ARMC2: variants seen among roughly 807,000 people sequenced by gnomAD.
ARMC2 encodes the protein armadillo repeat containing 2.
A neutral mutation model predicts 90.3 loss-of-function variants in ARMC2; 67 were observed. The ratio of observed to expected loss-of-function variants is 0.74; its 90% CI spans 0.61 to 0.91. The LOEUF (loss-of-function observed/expected upper bound fraction) is 0.91, where lower values mean the gene tolerates loss of function less well. Among genes scored for constraint, ARMC2 ranks in the 40% least tolerant of loss-of-function variants. ARMC2 has a pLI of 0.00. For synonymous variants in ARMC2, 393 were observed against 393.0 expected, an observed-to-expected ratio of 1.00 and a Z score of 0.00; for missense variants, 920 against 1,030.9, an observed-to-expected ratio of 0.89 and a Z score of 1.47.
At chr6:108,946,899 CG>C (rs1273880986) in intron 12 of ARMC2, among the ~76,000 whole-genome samples, 1 of 152,106 alleles carries the variant, frequency 6.6e-6, no homozygotes, top group Non-Finnish European at 1.5e-5. Context: ...GTGTGGGAGT[CG>C]GGGAGGAATG....
At chr6:108,928,488 C>T (rs1775283076) in intron 11 of ARMC2, among the ~76,000 whole-genome samples, 1 of 152,116 alleles carries the variant, frequency 6.6e-6, no homozygotes, top group African/African-American at 2.4e-5. Context: ...GAGTTGTGAG[C>T]TACGTGTGTG....
At chr6:109,019,852 A>G in the ARMC2 span, among the ~76,000 whole-genome samples, 1 of 152,204 alleles carries the variant, frequency 6.6e-6, no homozygotes, top group Non-Finnish European at 1.5e-5. Context: ...ATTCAATTAG[A>G]TTTTAAAAAT....
the ARMC2 span, among the ~76,000 whole-genome samples, chr6:109,039,154 G>GAGAAGGA: frequency 3.3e-5 from 5 of 151,116 alleles, no homozygotes; most frequent in African/African-American, 4.9e-5. Context: ...GAGAAGGAAG[G>GAGAAGGA]AGGAGGAGGA....
intron 3 of ARMC2, among the ~76,000 whole-genome samples, chr6:108,861,104 G>GA (rs749396209): frequency 5.9e-5 from 9 of 152,208 alleles, no homozygotes; most frequent in Non-Finnish European, 1.0e-4. Context: ...ATGGAGCTGG[G>GA]AAGGATGGAA....
At chr6:109,022,344 T>G in the ARMC2 span, among the ~76,000 whole-genome samples, 6 of 151,148 alleles carry the variant, frequency 4.0e-5, no homozygotes, top group East Asian at 1.2e-3. Flanking sequence ...GGCAATGCTA[T>G]ACTAGTTTCG....
chr6:109,031,960 C>T, the ARMC2 span, among the ~76,000 whole-genome samples: 2 of 152,068 alleles, frequency 1.3e-5, no homozygotes, highest in African/African-American at 4.8e-5. Flanking sequence ...ACCTTATACA[C>T]ATATCTTGAA....
chr6:108,979,906 G>A, the ARMC2 span, among the ~76,000 whole-genome samples: 3 of 151,816 alleles, frequency 2.0e-5, no homozygotes, highest in African/African-American at 7.2e-5. Context: ...TTTTTTCAGG[G>A]TTCTTAGCTT....
chr6:108,933,134 T>C (rs1045586137), intron 11 of ARMC2, among the ~76,000 whole-genome samples: 12 of 152,166 alleles, frequency 7.9e-5, no homozygotes, highest in Non-Finnish European at 1.5e-5. Context: ...AGGAATAGGA[T>C]TGAATCTGTA....
intron 2 of ARMC2, 113 bp from the exon 3 acceptor site, chr6:108,858,086 G>C: frequency 1.5e-6 from 1 of 675,188 alleles, no homozygotes; most frequent in Non-Finnish European, 2.4e-6. Flanking sequence ...TTTTCCTCAT[G>C]GTTTATGCAT....
chr6:108,889,950 A>G (rs1207804362), intron 5 of ARMC2, among the ~76,000 whole-genome samples: 1 of 150,720 alleles, frequency 6.6e-6, no homozygotes, highest in Non-Finnish European at 1.5e-5. Flanking sequence ...GCACTTTGGG[A>G]GGCCGAGGCG....
At chr6:108,893,788 G>A (rs1218410182) in intron 5 of ARMC2, among the ~76,000 whole-genome samples, 1 of 151,782 alleles carries the variant, frequency 6.6e-6, no homozygotes, top group African/African-American at 2.4e-5. Flanking sequence ...AGGCTGAGGC[G>A]GGCAGATCGC....
At chr6:108,927,978 T>C (rs1775237991) in intron 10 of ARMC2, 110 bp from the exon 11 acceptor site, 1 of 1,155,518 alleles carries the variant, frequency 8.7e-7, no homozygotes, top group African/African-American at 1.6e-5. Context: ...GCGGGAGCTT[T>C]GCTTAGCTAC....
At chr6:109,036,241 A>G in the ARMC2 span, among the ~76,000 whole-genome samples, 1 of 152,228 alleles carries the variant, frequency 6.6e-6, no homozygotes, top group Non-Finnish European at 1.5e-5. Flanking sequence ...AAATGTCATT[A>G]CTGCTTCCAG....
At chr6:108,995,674 G>A in the ARMC2 span, among the ~76,000 whole-genome samples, 493 of 152,238 alleles carry the variant, frequency 3.2e-3, 1 homozygote, top group Non-Finnish European at 5.8e-3. Flanking sequence ...CCAGCATTTT[G>A]GGAGACCAAG....
chr6:109,041,431 C>T, the ARMC2 span, among the ~76,000 whole-genome samples: 3 of 152,046 alleles, frequency 2.0e-5, no homozygotes, highest in Non-Finnish European at 2.9e-5. Context: ...CAAGTACTTA[C>T]GCCACTAACA....
intron 17 of ARMC2, among the ~76,000 whole-genome samples, chr6:108,968,155 T>C (rs1440923898): frequency 6.6e-6 from 1 of 152,184 alleles, no homozygotes; most frequent in East Asian, 1.9e-4. Context: ...CTAACAATGG[T>C]GGTACCTTTG....
At chr6:108,884,295 G>A (rs1183453581) in intron 5 of ARMC2, among the ~76,000 whole-genome samples, 1 of 152,184 alleles carries the variant, frequency 6.6e-6, no homozygotes, top group Non-Finnish European at 1.5e-5. Context: ...TCCCCTGGGA[G>A]CCTGTTAGAA....
At chr6:108,871,977 A>T (rs1378016663) in intron 4 of ARMC2, among the ~76,000 whole-genome samples, 1 of 152,246 alleles carries the variant, frequency 6.6e-6, no homozygotes, top group East Asian at 1.9e-4. Flanking sequence ...CATGTCATCC[A>T]ATTATAAAGT....
At chr6:108,889,434 C>T (rs1770714261) in intron 5 of ARMC2, among the ~76,000 whole-genome samples, 1 of 151,878 alleles carries the variant, frequency 6.6e-6, no homozygotes, top group Non-Finnish European at 1.5e-5. Flanking sequence ...GTGTGACCCA[C>T]TGCGCCCTGC....
Sources: allele counts gnomAD v4.1 joint callset (sites outside exome capture counted in the v4.1 genomes callset), GRCh38; gene constraint gnomAD v4.1.1; transcripts MANE v1.5; gene names NCBI Gene and HGNC (gene_info 2026-07-23, HGNC 2026-07-21).